Variants in CIMAP2 observed in about 807,000 individuals in gnomAD.
CIMAP2 encodes ciliary microtubule-associated protein 2.
chr1:54,834,906 T>C, the CIMAP2 span, among the ~76,000 whole-genome samples: 3 of 152,222 alleles, frequency 2.0e-5, no homozygotes, highest in African/African-American at 4.8e-5. Context: ...GTACCACTAA[T>C]GGTTTACTCT....
the CIMAP2 span, chr1:54,807,737 C>T: frequency 6.5e-7 from 1 of 1,541,098 alleles, no homozygotes; most frequent in Non-Finnish European, 8.7e-7. Flanking sequence ...GCCAGGTCTT[C>T]CTGTCCATTG....
At chr1:54,828,602 G>A in the CIMAP2 span, among the ~76,000 whole-genome samples, 1 of 152,082 alleles carries the variant, frequency 6.6e-6, no homozygotes, top group African/African-American at 2.4e-5. Flanking sequence ...AGAGTGTTGG[G>A]ATTACAGGTG....
the CIMAP2 span, among the ~76,000 whole-genome samples, chr1:54,833,599 T>G: frequency 2.0e-5 from 3 of 152,204 alleles, no homozygotes; most frequent in Non-Finnish European, 4.4e-5. Flanking sequence ...GGCAGCCTTT[T>G]GTTTTCCATT....
chr1:54,839,834 T>C, the CIMAP2 span, among the ~76,000 whole-genome samples: 1 of 152,164 alleles, frequency 6.6e-6, no homozygotes, highest in African/African-American at 2.4e-5. Context: ...TATGGCAGCC[T>C]TGACCTTCTG....
At chr1:54,829,830 C>A in the CIMAP2 span, among the ~76,000 whole-genome samples, 1 of 151,974 alleles carries the variant, frequency 6.6e-6, no homozygotes, top group East Asian at 1.9e-4. Context: ...TTAATATATT[C>A]TTTTTGAAGA....
the CIMAP2 span, chr1:54,814,986 T>C: frequency 1.2e-6 from 2 of 1,614,082 alleles, no homozygotes; most frequent in African/African-American, 1.3e-5. Flanking sequence ...CCCATTCCTG[T>C]TGACCTCCAA....
chr1:54,811,650 TG>T, the CIMAP2 span: 2 of 839,636 alleles, frequency 2.4e-6, no homozygotes, highest in African/African-American at 3.4e-5. Flanking sequence ...AACAATGTTG[TG>T]TGTCAGAGGG....
At chr1:54,807,185 T>C in the CIMAP2 span, 5 of 1,270,036 alleles carry the variant, frequency 3.9e-6, no homozygotes, top group South Asian at 1.2e-5. Flanking sequence ...AGGGGCGTAC[T>C]TTCTACCTTC....
At chr1:54,826,110 C>G in the CIMAP2 span, among the ~76,000 whole-genome samples, 1 of 152,054 alleles carries the variant, frequency 6.6e-6, no homozygotes, top group Admixed American at 6.5e-5. Flanking sequence ...ATTCTTAGGC[C>G]CCAAGATGGC....
At chr1:54,806,163 T>G in the CIMAP2 span, 1 of 1,551,156 alleles carries the variant, frequency 6.4e-7, no homozygotes, top group Non-Finnish European at 8.7e-7. Flanking sequence ...TGGAACCGCG[T>G]CGGCTCCACG....
chr1:54,813,141 CTT>C, the CIMAP2 span, among the ~76,000 whole-genome samples: 42 of 147,246 alleles, frequency 2.9e-4, no homozygotes, highest in African/African-American at 3.2e-4. Flanking sequence ...GTTTGTGAGA[CTT>C]TTTTTTTTTT....
chr1:54,810,561 C>T, the CIMAP2 span, among the ~76,000 whole-genome samples: 1 of 152,170 alleles, frequency 6.6e-6, no homozygotes, highest in Non-Finnish European at 1.5e-5. Flanking sequence ...CGCAGAGGTC[C>T]CTGCCCTTCC....
chr1:54,806,066 A>T, the CIMAP2 span: 1 of 1,462,716 alleles, frequency 6.8e-7, no homozygotes, highest in Non-Finnish European at 9.0e-7. Flanking sequence ...GCGCATCACA[A>T]GGCCCGGGTT....
the CIMAP2 span, chr1:54,807,991 C>G: frequency 6.3e-7 from 1 of 1,586,766 alleles, no homozygotes; most frequent in Non-Finnish European, 8.6e-7. Flanking sequence ...TGGGGAGGTT[C>G]GCTTCCGAGG....
the CIMAP2 span, among the ~76,000 whole-genome samples, chr1:54,816,072 T>G: frequency 4.6e-5 from 7 of 152,222 alleles, no homozygotes; most frequent in South Asian, 1.5e-3. Context: ...CCAAATGAAA[T>G]GTTTAGACCA....
At chr1:54,816,212 C>G in the CIMAP2 span, among the ~76,000 whole-genome samples, 4 of 152,232 alleles carry the variant, frequency 2.6e-5, no homozygotes, top group Non-Finnish European at 5.9e-5. Context: ...GCTGGCACCT[C>G]CAAAACCTGG....
the CIMAP2 span, among the ~76,000 whole-genome samples, chr1:54,836,275 ACCTGCCCGCCTGCCTGCCTGCCTG>A: frequency 2.7e-4 from 19 of 69,760 alleles, no homozygotes; most frequent in East Asian, 1.2e-3. Context: ...CCGCCTGCCT[ACCTGCCCGCCTGCCTGCCTGCCTG>A]CCTGCCTGCC....
At chr1:54,807,201 G>T in the CIMAP2 span, 1 of 1,154,554 alleles carries the variant, frequency 8.7e-7, no homozygotes, top group Admixed American at 1.7e-5. Flanking sequence ...CCTTCTTCCA[G>T]CACAGAGCTG....
the CIMAP2 span, among the ~76,000 whole-genome samples, chr1:54,837,235 T>C: frequency 6.6e-6 from 1 of 152,090 alleles, no homozygotes; most frequent in Admixed American, 6.5e-5. Flanking sequence ...TTATAGCCCA[T>C]GTCCCCATAG....
Sources: gnomAD v4.1 joint callset for allele counts (sites outside exome capture counted in the v4.1 genomes callset) on GRCh38, gnomAD v4.1.1 for gene constraint, MANE v1.5 for transcripts, NCBI Gene and HGNC (gene_info 2026-07-23, HGNC 2026-07-21) for gene names.